Variants in MCTP1 observed in about 807,000 individuals in gnomAD.
MCTP1 encodes the protein multiple C2 and transmembrane domain-containing protein 1.
A neutral mutation model predicts 120.6 loss-of-function variants in MCTP1; 69 were observed. The ratio of observed to expected loss-of-function variants is 0.57; its 90% CI spans 0.47 to 0.70. The LOEUF (loss-of-function observed/expected upper bound fraction) is 0.70, where lower values mean the gene tolerates loss of function less well. Among genes scored for constraint, MCTP1 ranks in the 30% least tolerant of loss-of-function variants. The pLI, the probability that MCTP1 is intolerant of heterozygous loss-of-function variation, is 0.00. For synonymous variants in MCTP1, 529 were observed against 493.1 expected, an observed-to-expected ratio of 1.07 and a Z score of -0.96; for missense variants, 1,203 against 1,248.8, an observed-to-expected ratio of 0.96 and a Z score of 0.55.
intron 1 of MCTP1, among the ~76,000 whole-genome samples, chr5:95,255,861 T>C (rs958096309): frequency 8.5e-5 from 13 of 152,188 alleles, no homozygotes; most frequent in African/African-American, 2.9e-4. Context: ...GAGAAATCAG[T>C]AAGTCACTGC....
intron 1 of MCTP1, among the ~76,000 whole-genome samples, chr5:95,072,988 G>A (rs539466767): frequency 1.6e-4 from 25 of 151,996 alleles, no homozygotes; most frequent in South Asian, 4.2e-4. Context: ...CTCGTGATCC[G>A]TTCGCCTTGG....
rs185062288 is a variant in MCTP1 at position 95,177,130 on chromosome 5, T to C, written c.720+106726A>G. Among the ~76,000 whole-genome samples the C allele has an allele frequency of 1.2e-3, 182 of 151,222 alleles. 1 individual carries two copies. The highest frequency in any genetic ancestry group is 4.3e-3 in the African/African-American group (180 of 41,428). ...GAAACAGAATTAGGGTGTGTATACATAGAAATATATATTTATTTTTATATC... is the reference window on the plus strand; with the variant it reads ...GAAACAGAATTAGGGTGTGTATACACAGAAATATATATTTATTTTTATATC... On this transcript the variant is annotated intron_variant, in intron 1 of 22. Coordinates refer to ENST00000515393, the MANE Select transcript of MCTP1 (RefSeq NM_024717.7).
intron 17 of MCTP1, among the ~76,000 whole-genome samples, chr5:94,807,722 TG>T (rs11327461): frequency 1 from 152,302 of 152,302 alleles, 76,151 homozygotes; most frequent in Non-Finnish European, 1. Context: ...AGGGAAATAC[TG>T]GGCATTTGGC....
intron 15 of MCTP1, 90 bp from the exon 16 acceptor site, chr5:94,870,581 A>G (rs1235175119): frequency 2.1e-6 from 2 of 973,796 alleles, no homozygotes; most frequent in African/African-American, 3.2e-5. Context: ...TAATTTCTAA[A>G]GTTTCAAAGT....
At chr5:94,930,686 A>G (rs1357483230) in intron 6 of MCTP1, 6 of 152,208 alleles carry the variant, frequency 3.9e-5, no homozygotes, top group Non-Finnish European at 8.8e-5. Flanking sequence ...TATATCTGAA[A>G]GAATATTGTT....
chr5:94,812,314 A>G (rs1486420510), intron 17 of MCTP1, among the ~76,000 whole-genome samples: 2 of 152,164 alleles, frequency 1.3e-5, no homozygotes, highest in Non-Finnish European at 2.9e-5. Context: ...ATTATTCACA[A>G]GCTTCAGGAA....
intron 5 of MCTP1, among the ~76,000 whole-genome samples, chr5:94,932,244 A>G (rs1435109349): frequency 6.7e-6 from 1 of 148,224 alleles, no homozygotes; most frequent in African/African-American, 2.5e-5. Context: ...AAAAAGGAAC[A>G]GTATCGGGAT....
intron 13 of MCTP1, 47 bp downstream of exon 13, chr5:94,873,092 A>G: frequency 1.8e-6 from 2 of 1,105,996 alleles, no homozygotes; most frequent in Non-Finnish European, 2.8e-6. Flanking sequence ...AAATAAATCA[A>G]ATTTAACACA....
chr5:95,221,880 G>T (rs980158739), intron 1 of MCTP1, among the ~76,000 whole-genome samples: 4 of 152,136 alleles, frequency 2.6e-5, no homozygotes, highest in African/African-American at 7.2e-5. Context: ...GTCTTTCAAT[G>T]CTGTTGTGGA....
chr5:94,861,440 C>T (rs753585515), intron 17 of MCTP1, among the ~76,000 whole-genome samples: 30 of 151,832 alleles, frequency 2.0e-4, no homozygotes, highest in East Asian at 1.9e-3. Context: ...CCTGATAGAA[C>T]GGGGAATGAA....
chr5:94,866,546 CT>C (rs5869653), intron 17 of MCTP1, among the ~76,000 whole-genome samples: 93,781 of 129,800 alleles, frequency 0.72, 33,916 homozygotes, highest in African/African-American at 0.8. Flanking sequence ...CTGATTCCCT[CT>C]TTTTTTTTTT....
rs1554158353 is a variant in MCTP1 at position 94,963,357 on chromosome 5, T to TA, written c.839-9997_839-9996insT. On this transcript the variant is annotated intron_variant, in intron 2 of 22. Transcript: ENST00000515393. ...TGCTAGGTAATATTGTAATTCTATT[T>TA]TTTTTTTTTTTTGAGAAACCTCCAT... is the stretch of plus-strand genomic sequence containing the variant. Among the ~76,000 whole-genome samples, 585 of 148,554 alleles carry TA rather than the reference T, an allele frequency of 3.9e-3. 2 individuals carry two copies. Among genetic ancestry groups the TA allele is most frequent in the Admixed American group, 5.2e-3 (77 of 14,894 alleles).
intron 1 of MCTP1, among the ~76,000 whole-genome samples, chr5:95,238,106 A>G (rs1457069062): frequency 1.3e-5 from 2 of 152,212 alleles, no homozygotes; most frequent in African/African-American, 2.4e-5. Context: ...TAGTGATTCA[A>G]AATTTTAGAA....
chr5:95,213,983 G>T (rs1752721345), intron 1 of MCTP1, among the ~76,000 whole-genome samples: 1 of 152,002 alleles, frequency 6.6e-6, no homozygotes, highest in Non-Finnish European at 1.5e-5. Flanking sequence ...AACACCAAAA[G>T]CAATGGCAAC....
At chr5:94,971,205 T>C (rs1184687623) in intron 2 of MCTP1, among the ~76,000 whole-genome samples, 1 of 152,136 alleles carries the variant, frequency 6.6e-6, no homozygotes, top group Admixed American at 6.6e-5. Context: ...CTCTCTTGCA[T>C]GTCTTTGACA....
At chr5:94,934,965 C>G (rs1815812172) in intron 5 of MCTP1, among the ~76,000 whole-genome samples, 1 of 151,840 alleles carries the variant, frequency 6.6e-6, no homozygotes, top group Non-Finnish European at 1.5e-5. Context: ...CACTATCAGA[C>G]AAATTGCCAT....
At chr5:94,716,949 GAT>G (rs1355358283) in intron 19 of MCTP1, among the ~76,000 whole-genome samples, 2 of 152,074 alleles carry the variant, frequency 1.3e-5, no homozygotes, top group Admixed American at 6.6e-5. Context: ...ATTAAAATGA[GAT>G]ATGGGCATCA....
chr5:95,010,165 C>T (rs759343052), intron 2 of MCTP1, among the ~76,000 whole-genome samples: 21 of 152,150 alleles, frequency 1.4e-4, no homozygotes, highest in Non-Finnish European at 2.6e-4. Flanking sequence ...TCTCTACATT[C>T]ATCTTTTTCC....
rs151255327 is a variant in MCTP1 at position 95,030,107 on chromosome 5, T to G, written c.721-12623A>C. ...GAGGGGTATATCCATGGCCTGTACCTGCACTGCAGTGGGGAACCAAAGGAC... is the reference window on the plus strand; with the variant it reads ...GAGGGGTATATCCATGGCCTGTACCGGCACTGCAGTGGGGAACCAAAGGAC... On this transcript the variant is annotated intron_variant, in intron 1 of 22. Transcript: ENST00000515393. 5.8e-3 allele frequency among the ~76,000 whole-genome samples: 882 copies of G among 152,304 alleles called. 4 individuals are homozygous for G. Among genetic ancestry groups the G allele is most frequent in the Non-Finnish European group, 7.6e-3 (515 of 68,020 alleles).
Sources: gnomAD v4.1 joint callset for allele counts (sites outside exome capture counted in the v4.1 genomes callset) on GRCh38, gnomAD v4.1.1 for gene constraint, MANE v1.5 for transcripts, NCBI Gene and HGNC (gene_info 2026-07-23, HGNC 2026-07-21) for gene names.